KLF12: variants seen among roughly 807,000 people sequenced by gnomAD.
The protein encoded by KLF12 is Krueppel-like factor 12.
In KLF12, 9 loss-of-function variants were observed where a neutral mutation model predicts 37.8. The ratio of observed to expected loss-of-function variants is 0.24; its 90% CI spans 0.14 to 0.42. The LOEUF (loss-of-function observed/expected upper bound fraction) is 0.42. KLF12 is among the 10% of genes least tolerant of loss of function. KLF12 has a pLI of 1.00. For missense variants in KLF12, 411 were observed against 516.0 expected, an observed-to-expected ratio of 0.80 and a Z score of 1.97; for synonymous variants, 208 against 202.1, an observed-to-expected ratio of 1.03 and a Z score of -0.25.
At chr13:74,171,141 AC>A in the KLF12 span, among the ~76,000 whole-genome samples, 1 of 152,148 alleles carries the variant, frequency 6.6e-6, no homozygotes. Context: ...GGGCCTTCAA[AC>A]CAGGTCTCCT....
the KLF12 span, among the ~76,000 whole-genome samples, chr13:74,246,962 A>C: frequency 2.0e-5 from 3 of 152,256 alleles, no homozygotes; most frequent in African/African-American, 7.2e-5. Context: ...TAATTTAAAA[A>C]GAGACTTTTA....
At chr13:73,849,430 T>C (rs998016783) in intron 3 of KLF12, among the ~76,000 whole-genome samples, 1 of 141,188 alleles carries the variant, frequency 7.1e-6, no homozygotes, top group Admixed American at 7.1e-5. Flanking sequence ...CATCTGTAAA[T>C]GTGTGGTTGT....
chr13:74,064,056 A>G (rs1238092951), intron 1 of KLF12, among the ~76,000 whole-genome samples: 1 of 19,208 alleles, frequency 5.2e-5, no homozygotes, highest in South Asian at 0.033. Context: ...TTCCTCTAAA[A>G]GGGGTGCAAT....
intron 1 of KLF12, among the ~76,000 whole-genome samples, chr13:74,106,894 A>C (rs1181591996): frequency 6.6e-6 from 1 of 151,702 alleles, no homozygotes; most frequent in African/African-American, 2.4e-5. Context: ...AATTCAAAAG[A>C]GCTCAAAGGA....
chr13:73,981,492 G>GT (rs1374082161), intron 2 of KLF12, among the ~76,000 whole-genome samples: 1 of 151,920 alleles, frequency 6.6e-6, no homozygotes, highest in Non-Finnish European at 1.5e-5. Flanking sequence ...ACAATGTCAA[G>GT]TAAAAAAAGC....
intron 5 of KLF12, among the ~76,000 whole-genome samples, chr13:73,805,509 T>TG (rs1348539054): frequency 6.6e-6 from 1 of 151,284 alleles, no homozygotes; most frequent in Admixed American, 6.6e-5. Flanking sequence ...CTCAGCTACT[T>TG]GAAGTCTAAG....
At chr13:73,837,989 G>A (rs1364561143) in intron 4 of KLF12, among the ~76,000 whole-genome samples, 1 of 152,158 alleles carries the variant, frequency 6.6e-6, no homozygotes. Context: ...TCTGTGACAT[G>A]AACGAAATCT....
At chr13:74,052,016 T>C (rs55832710) in intron 1 of KLF12, among the ~76,000 whole-genome samples, 2,783 of 152,236 alleles carry the variant, frequency 0.018, 39 homozygotes, top group Non-Finnish European at 0.028. Flanking sequence ...ACAATTATTA[T>C]GTATCAATAA....
chr13:73,899,359 A>G (rs1034352443), intron 3 of KLF12, among the ~76,000 whole-genome samples: 1 of 152,198 alleles, frequency 6.6e-6, no homozygotes, highest in Non-Finnish European at 1.5e-5. Flanking sequence ...AAGGAGGGGA[A>G]GTAAGTGACT....
chr13:73,912,036 A>G lies in KLF12; in HGVS notation c.123+31945T>C, dbSNP rs532669627. ...TTTAACTACTGACTTCTCCTTCACAATAACTCCCAAAAGGTAGTTTCTAAA... is the reference window on the plus strand; with the variant it reads ...TTTAACTACTGACTTCTCCTTCACAGTAACTCCCAAAAGGTAGTTTCTAAA... On this transcript the variant is annotated intron_variant, in intron 3 of 7. Transcript: ENST00000377669. 5.9e-5 allele frequency among the ~76,000 whole-genome samples: 9 copies of G among 152,338 alleles called. 1 individual carries two copies. In the South Asian group the frequency reaches 1.5e-3, roughly 25 times the overall value.
intron 7 of KLF12, among the ~76,000 whole-genome samples, chr13:73,699,695 G>A: frequency 6.6e-6 from 1 of 152,182 alleles, no homozygotes; most frequent in East Asian, 1.9e-4. Flanking sequence ...TTGAGTCTGG[G>A]AAGTGGGGTT....
chr13:74,241,944 C>G, the KLF12 span, among the ~76,000 whole-genome samples: 1 of 152,194 alleles, frequency 6.6e-6, no homozygotes, highest in Non-Finnish European at 1.5e-5. Context: ...GGAGCTGTTC[C>G]TATTTGGCCA....
intron 3 of KLF12, among the ~76,000 whole-genome samples, chr13:73,930,495 A>G (rs1889614403): frequency 6.6e-6 from 1 of 152,244 alleles, no homozygotes; most frequent in Non-Finnish European, 1.5e-5. Flanking sequence ...TGGGAAATTG[A>G]AAGTTTTTTA....
At chr13:73,754,960 T>TAAAA (rs1879043142) in intron 6 of KLF12, among the ~76,000 whole-genome samples, 1 of 152,240 alleles carries the variant, frequency 6.6e-6, no homozygotes, top group South Asian at 2.1e-4. Flanking sequence ...CTCCTACCTT[T>TAAAA]AATACAATTC....
the KLF12 span, among the ~76,000 whole-genome samples, chr13:74,219,418 A>G: frequency 1.3e-5 from 2 of 152,208 alleles, no homozygotes; most frequent in Non-Finnish European, 2.9e-5. Flanking sequence ...TGAATGCATC[A>G]TATTTCATTT....
chr13:74,076,844 T>A lies in KLF12; in HGVS notation c.-32+56895A>T, dbSNP rs1874592021. Among the ~76,000 whole-genome samples the A allele has an allele frequency of 2.0e-5, 3 of 152,112 alleles. No homozygotes were observed. In the South Asian group the frequency reaches 6.2e-4, roughly 32 times the overall value. On this transcript the variant is annotated intron_variant, in intron 1 of 7. Coordinates refer to ENST00000377669, the MANE Select transcript of KLF12 (RefSeq NM_007249.5). ...CCAGTGTCTGTTGTTCCCTTCTTTG[T>A]GTTCATGTGTTTTCATCATTTAGCT...
In KLF12 at chr13:73,765,010, GAGA is replaced by G. The variant is rs778476865; in HGVS notation, c.807-13_807-11del. 3 of 1,503,446 alleles carry G rather than the reference GAGA, an allele frequency of 2.0e-6. No individual in the cohort carries two copies. In the Admixed American group the frequency reaches 5.8e-5, roughly 29 times the overall value. The allele number at this position is 1,503,446 out of a possible 1,614,324, so 93.1% of individuals were successfully genotyped here. ...TGGGGACGGATGTACCCTGTAGACA[GAGA>G]AGAATAATCCAGTCATTGAAAAAGC... On this transcript the variant is annotated splice_polypyrimidine_tract_variant and intron_variant, in intron 5 of 7. Coordinates refer to ENST00000377669, the MANE Select transcript of KLF12 (RefSeq NM_007249.5).
Position 73,813,254 on chromosome 13 carries a change from T to C in KLF12, c.704A>G (p.Gln235Arg). ...ATCATCATCACTGTCACTTTTACTT[T>C]GTCTGGGAGATAGGCCTCGGGGGTC... The change falls in exon 5 of 8, where the codon CAA becomes CGA. Residue 235 changes from glutamine (Q) to arginine (R), a missense_variant. Transcript: ENST00000377669. 6.2e-7 allele frequency: 1 copy of C among 1,614,030 alleles called. No homozygotes were observed. The highest frequency in any genetic ancestry group is 8.5e-7 in the Non-Finnish European group (1 of 1,179,934).
intron 6 of KLF12, among the ~76,000 whole-genome samples, chr13:73,739,117 C>CCCA (rs1877750666): frequency 6.6e-6 from 1 of 151,960 alleles, no homozygotes; most frequent in East Asian, 1.9e-4. Flanking sequence ...TGCCTGTAAT[C>CCCA]CCACTACTCG....
Sources: allele counts gnomAD v4.1 joint callset (sites outside exome capture counted in the v4.1 genomes callset), GRCh38; gene constraint gnomAD v4.1.1; transcripts MANE v1.5; gene names NCBI Gene and HGNC (gene_info 2026-07-23, HGNC 2026-07-21).